MXI1: variants seen among roughly 807,000 people sequenced by gnomAD.
MXI1 encodes the protein MAX interactor 1, dimerization protein, also known as max-interacting protein 1.
Under a neutral mutation model 36.9 loss-of-function variants are expected in MXI1, and 18 were observed. That is an observed-to-expected ratio of 0.49 (90% CI 0.34 to 0.72). The LOEUF (loss-of-function observed/expected upper bound fraction) is 0.72, where lower values mean the gene tolerates loss of function less well. Among genes scored for constraint, MXI1 ranks in the 30% least tolerant of loss-of-function variants. MXI1 has a pLI of 0.01. For synonymous variants in MXI1, 160 were observed against 146.7 expected (o/e 1.09, Z -0.65); for missense variants, 304 against 379.1 (o/e 0.80, Z 1.64).
chr10:110,259,948 A>G (rs935925907), intron 3 of MXI1, among the ~76,000 whole-genome samples: 2 of 152,108 alleles, frequency 1.3e-5, no homozygotes, highest in Admixed American at 6.5e-5. Context: ...AACACATGAC[A>G]TAGTGCTTAT....
At chr10:110,282,200 A>G (rs1022373945) in intron 5 of MXI1, among the ~76,000 whole-genome samples, 3 of 152,176 alleles carry the variant, frequency 2.0e-5, no homozygotes, top group African/African-American at 4.8e-5. Context: ...TCATGAACTC[A>G]TGTTTTGCTG....
chr10:110,216,665 G>GTTTTTTTTCTTTTTTTTTTTTTT (rs1854645404), intron 1 of MXI1, among the ~76,000 whole-genome samples: 1 of 79,060 alleles, frequency 1.3e-5, no homozygotes, highest in Admixed American at 1.8e-4. Flanking sequence ...TGTGTTTAAT[G>GTTTTTTTTCTTTTTTTTTTTTTT]TTTTTTTTTT....
chr10:110,254,950 TAATC>T (rs1395763729), intron 3 of MXI1, among the ~76,000 whole-genome samples: 1 of 152,020 alleles, frequency 6.6e-6, no homozygotes, highest in African/African-American at 2.4e-5. Context: ...CTAGCTAAAA[TAATC>T]AACGAAGGTG....
At chr10:110,263,070 C>T (rs962796637) in intron 3 of MXI1, among the ~76,000 whole-genome samples, 2 of 152,130 alleles carry the variant, frequency 1.3e-5, no homozygotes, top group African/African-American at 2.4e-5. Flanking sequence ...GTATCTGACA[C>T]GGTGCCTTGC....
intron 1 of MXI1, among the ~76,000 whole-genome samples, chr10:110,220,243 G>C (rs948907842): frequency 1.3e-4 from 20 of 152,164 alleles, no homozygotes; most frequent in African/African-American, 4.6e-4. Context: ...GTGTGCTGAG[G>C]ATTAAATGAA....
rs1857419887 is a variant in MXI1, at chr10:110,286,030, AACACCTC to A, written c.*1053_*1059del. On this transcript the variant is annotated 3_prime_UTR_variant, in exon 6 of 6. Coordinates refer to ENST00000332674, the MANE Select transcript of MXI1 (RefSeq NM_130439.3). ...TTGATGCAGCATTTGATAATGATAAAACACCTCACACCTCACTCTTTATAGTGCACAA... is the reference window on the plus strand; with the variant it reads ...TTGATGCAGCATTTGATAATGATAAAACACCTCACTCTTTATAGTGCACAA... 1 of 152,622 alleles carries A rather than the reference AACACCTC, an allele frequency of 6.6e-6. No homozygotes were observed. The allele number at this position is 152,622 out of a possible 1,614,324, so 9.5% of individuals were successfully genotyped here.
chr10:110,266,457 C>T (rs1203773639), intron 3 of MXI1, among the ~76,000 whole-genome samples: 2 of 152,128 alleles, frequency 1.3e-5, no homozygotes, highest in African/African-American at 4.8e-5. Context: ...GGAGTGTCTA[C>T]AATGGTTCTC....
At chr10:110,216,665 GTTTTTTTT>G (rs10656872) in intron 1 of MXI1, among the ~76,000 whole-genome samples, 1 of 79,060 alleles carries the variant, frequency 1.3e-5, no homozygotes, top group South Asian at 5.0e-4. Context: ...TGTGTTTAAT[GTTTTTTTT>G]TTTTTTTTTT....
intron 3 of MXI1, among the ~76,000 whole-genome samples, chr10:110,270,439 ATT>A (rs5787841): frequency 1.3e-4 from 19 of 144,166 alleles, no homozygotes; most frequent in Admixed American, 1.1e-3. Context: ...AGATTTAATT[ATT>A]TTTTTTTTTT....
intron 3 of MXI1, among the ~76,000 whole-genome samples, chr10:110,262,454 A>G (rs550104992): frequency 1.3e-5 from 2 of 152,218 alleles, no homozygotes; most frequent in East Asian, 3.9e-4. Flanking sequence ...TGCATCGAAA[A>G]GGCACACCTC....
intron 1 of MXI1, chr10:110,225,960 T>C (rs1854950847): frequency 2.1e-6 from 2 of 945,120 alleles, no homozygotes; most frequent in Admixed American, 6.2e-5. Flanking sequence ...GCCCCGGCGC[T>C]GCTCCCGCCC....
intron 2 of MXI1, among the ~76,000 whole-genome samples, chr10:110,244,126 C>T (rs1406543984): frequency 6.6e-6 from 1 of 152,056 alleles, no homozygotes; most frequent in Non-Finnish European, 1.5e-5. Flanking sequence ...AGATGCTGTG[C>T]TTGTTCAATA....
At chr10:110,252,843 G>T (rs539015298) in intron 3 of MXI1, among the ~76,000 whole-genome samples, 3 of 152,150 alleles carry the variant, frequency 2.0e-5, no homozygotes, top group South Asian at 2.1e-4. Flanking sequence ...CATAATAAAA[G>T]AATTTTATAA....
intron 1 of MXI1, chr10:110,227,217 CGCGCGTGG>C: frequency 2.1e-6 from 1 of 466,150 alleles, no homozygotes; most frequent in Non-Finnish European, 2.5e-6. Context: ...GTGAGGGGTG[CGCGCGTGG>C]GAGGGATGGT....
chr10:110,216,666 T>TTTTTTGTTTTGTTTTGTTTTG, intron 1 of MXI1, among the ~76,000 whole-genome samples: 2 of 964 alleles, frequency 2.1e-3, no homozygotes, highest in Non-Finnish European at 4.8e-3. Flanking sequence ...GTGTTTAATG[T>TTTTTTGTTTTGTTTTGTTTTG]TTTTTTTTTT....
chr10:110,226,367 G>C lies in MXI1; in HGVS notation c.275-1822G>C, dbSNP rs916313008. The C allele has an allele frequency of 3.7e-6, 5 of 1,360,224 alleles. No homozygotes were observed. The South Asian group carries it at 7.9e-5, about 22-fold the overall frequency. The allele number at this position is 1,360,224 out of a possible 1,614,324, so 84.3% of individuals were successfully genotyped here. On this transcript the variant is annotated intron_variant, in intron 1 of 5. Coordinates refer to ENST00000332674, the MANE Select transcript of MXI1 (RefSeq NM_130439.3). ...GTGCGGCCGGTAAGGGAGGGCACGC[G>C]TGTGAGGTGCGCGCATGAGGTGAGG...
chr10:110,285,113 A>C lies in MXI1; in HGVS notation c.*126A>C. 1 of 945,652 alleles carries C rather than the reference A, an allele frequency of 1.1e-6. No homozygotes were observed. The highest frequency in any genetic ancestry group is 1.5e-6 in the Non-Finnish European group (1 of 684,480). 58.6% of individuals were successfully genotyped at this position (945,652 alleles called of 1,614,324 possible). A position where few individuals can be genotyped will look rare whatever the true frequency, so the allele number is the denominator to read the frequency against. ...ACAAAACAAAACAAAACAAAACTATACTTGAACAAAAGGGTCAGAGGACCT... is the reference window on the plus strand; with the variant it reads ...ACAAAACAAAACAAAACAAAACTATCCTTGAACAAAAGGGTCAGAGGACCT... On this transcript the variant is annotated 3_prime_UTR_variant, in exon 6 of 6. Transcript: ENST00000332674.
At chr10:110,258,389 G>GT (rs1856391050) in intron 3 of MXI1, among the ~76,000 whole-genome samples, 1 of 152,126 alleles carries the variant, frequency 6.6e-6, no homozygotes. Context: ...GTCTTGGAAA[G>GT]TAGGGGCCAC....
intron 2 of MXI1, among the ~76,000 whole-genome samples, chr10:110,230,100 T>G (rs1212070561): frequency 1.3e-5 from 2 of 152,232 alleles, no homozygotes; most frequent in East Asian, 1.9e-4. Context: ...GTTACTATAT[T>G]AGTAATTTAG....
Sources: allele counts gnomAD v4.1 joint callset (sites outside exome capture counted in the v4.1 genomes callset), GRCh38; gene constraint gnomAD v4.1.1; transcripts MANE v1.5; gene names NCBI Gene and HGNC (gene_info 2026-07-23, HGNC 2026-07-21).